SYNE1: variants seen among roughly 807,000 people sequenced by gnomAD.
SYNE1 encodes the protein spectrin repeat containing nuclear envelope protein 1.
Under a neutral mutation model 1,111.0 loss-of-function variants are expected in SYNE1, and 616 were observed. The observed-to-expected ratio is 0.55, with a 90% CI of 0.52 to 0.59. The LOEUF (loss-of-function observed/expected upper bound fraction) is 0.59. Among genes scored for constraint, SYNE1 ranks in the 20% least tolerant of loss-of-function variants. The pLI is 0.00. For missense variants in SYNE1, 10,006 were observed against 10,417.0 expected, an observed-to-expected ratio of 0.96 and a Z score of 1.72; for synonymous variants, 3,855 against 3,825.8, an observed-to-expected ratio of 1.01 and a Z score of -0.28.
At chr6:152,165,919 A>G (rs1042961379) in intron 130 of SYNE1, among the ~76,000 whole-genome samples, 4 of 152,228 alleles carry the variant, frequency 2.6e-5, no homozygotes, top group South Asian at 2.1e-4. Context: ...CTCTGGCCAT[A>G]GTGCCCCAGA....
chr6:152,505,956 A>G (rs1162283913), intron 8 of SYNE1, among the ~76,000 whole-genome samples: 3 of 152,252 alleles, frequency 2.0e-5, no homozygotes, highest in Non-Finnish European at 4.4e-5. Flanking sequence ...AAATATTGCA[A>G]TTATATCTCA....
chr6:152,466,335 T>C (rs2098767421), intron 16 of SYNE1, among the ~76,000 whole-genome samples: 1 of 152,196 alleles, frequency 6.6e-6, no homozygotes, highest in Non-Finnish European at 1.5e-5. Context: ...AAGGGTTTGC[T>C]TTTTGAAGAG....
At chr6:152,413,553 T>C (rs748615280) in intron 41 of SYNE1, 22 bp from the exon 42 acceptor site, 5 of 1,611,178 alleles carry the variant, frequency 3.1e-6, no homozygotes, top group African/African-American at 1.3e-5. Context: ...AATGTTATTT[T>C]CCTATTAATT....
intron 62 of SYNE1, among the ~76,000 whole-genome samples, chr6:152,365,311 G>A (rs1313496410): frequency 6.6e-6 from 1 of 152,082 alleles, no homozygotes; most frequent in Non-Finnish European, 1.5e-5. Context: ...GAAAAATATA[G>A]TACAGTAGAA....
intron 3 of SYNE1, among the ~76,000 whole-genome samples, chr6:152,625,995 G>C (rs1583660402): frequency 6.6e-6 from 1 of 152,288 alleles, no homozygotes; most frequent in East Asian, 1.9e-4. Context: ...GTTAAATAGG[G>C]CATCCACTGT....
chr6:152,307,648 G>C (rs572605279), intron 91 of SYNE1, among the ~76,000 whole-genome samples: 1 of 152,168 alleles, frequency 6.6e-6, no homozygotes, highest in South Asian at 2.1e-4. Context: ...TGCACAAGGA[G>C]TGGTCAAGTC....
At chr6:152,310,189 C>T (rs2095504747) in intron 89 of SYNE1, among the ~76,000 whole-genome samples, 172 bp from the exon 90 acceptor site, 4 of 151,648 alleles carry the variant, frequency 2.6e-5, no homozygotes, top group South Asian at 4.2e-4. Context: ...CGTCTGTAAC[C>T]CCAGCACTTT....
At chr6:152,607,432 C>CAT (rs368068830) in intron 3 of SYNE1, among the ~76,000 whole-genome samples, 15,125 of 150,648 alleles carry the variant, frequency 0.1, 853 homozygotes, top group African/African-American at 0.16. Context: ...TTTTTTTTTT[C>CAT]ATGTTTGTTG....
intron 128 of SYNE1, among the ~76,000 whole-genome samples, chr6:152,188,875 G>A (rs2071072879): frequency 6.9e-6 from 1 of 145,460 alleles, no homozygotes; most frequent in South Asian, 2.2e-4. Flanking sequence ...GGAGAATGGC[G>A]TGAACCTGGG....
chr6:152,342,399 A>G (rs555486240), intron 74 of SYNE1, among the ~76,000 whole-genome samples: 8 of 152,388 alleles, frequency 5.2e-5, no homozygotes, highest in Admixed American at 1.3e-4. Context: ...ATAAAAAAGT[A>G]GAATATAGGC....
intron 44 of SYNE1, among the ~76,000 whole-genome samples, chr6:152,408,132 C>T (rs1198031460): frequency 6.6e-6 from 1 of 152,088 alleles, no homozygotes; most frequent in Admixed American, 6.6e-5. Context: ...TATTATATTA[C>T]ACAAATATCA....
chr6:152,607,118 G>A (rs2099617872), intron 3 of SYNE1, among the ~76,000 whole-genome samples: 1 of 150,310 alleles, frequency 6.7e-6, no homozygotes, highest in Non-Finnish European at 1.5e-5. Context: ...CCCAGTAGGT[G>A]GGACTACAGG....
At chr6:152,345,076 T>C (rs993113620) in intron 73 of SYNE1, among the ~76,000 whole-genome samples, 5 of 152,238 alleles carry the variant, frequency 3.3e-5, no homozygotes, top group African/African-American at 1.2e-4. Context: ...ATCCCTTATT[T>C]ATTCTTATTC....
In SYNE1 at chr6:152,152,097, C is replaced by T. The variant is rs928170278; in HGVS notation, c.24174G>A (p.Leu8058=). 4 of 1,614,174 alleles carry T rather than the reference C, an allele frequency of 2.5e-6. No homozygotes were observed. The highest frequency in any genetic ancestry group is 2.5e-6 in the Non-Finnish European group (3 of 1,180,038). Residue 8058 remains leucine, a synonymous_variant, in exon 134 of 146, where the codon CTG becomes CTA. Transcript: ENST00000367255. ...CCAGGCGGCGGTACTGCTTGTTGAT[C>T]AGTTCCAGCTGCGTCAGGCACTCGT... ...QVHECLTQLE[L]INKQYRRLAR...
intron 93 of SYNE1, among the ~76,000 whole-genome samples, chr6:152,297,555 G>A (rs967436465): frequency 6.6e-6 from 1 of 152,034 alleles, no homozygotes; most frequent in African/African-American, 2.4e-5. Context: ...ATAACAGGCA[G>A]GCCTATATGT....
intron 121 of SYNE1, among the ~76,000 whole-genome samples, chr6:152,216,361 T>C (rs1036166116): frequency 6.6e-6 from 1 of 152,154 alleles, no homozygotes; most frequent in Non-Finnish European, 1.5e-5. Context: ...AATGACATGA[T>C]AGAGCATGGA....
Position 152,233,857 on chromosome 6 carries a change from G to C in SYNE1, c.20636C>G (p.Ser6879Cys), listed in dbSNP as rs769820392. ...LKKVDTATLR[S>C]ELSRIDSQWT... ...CTGGCTATCAATGCGCGACAGCTCAGAGCGCAGCGTGGCTGTGTCCACCTT... is the reference window on the plus strand; with the variant it reads ...CTGGCTATCAATGCGCGACAGCTCACAGCGCAGCGTGGCTGTGTCCACCTT... The change falls in exon 112 of 146, where the codon TCT (serine) becomes TGT (cysteine). Residue 6879 changes from serine (S) to cysteine (C), a missense_variant. Around this residue, in one of 7 missense-constraint regions of SYNE1, gnomAD observed 2,182 missense variants for 2,287.8 expected, o/e 0.95. Transcript: ENST00000367255. The C allele has an allele frequency of 6.2e-7, 1 of 1,614,198 alleles. No homozygotes were observed. The highest frequency in any genetic ancestry group is 1.3e-5 in the African/African-American group (1 of 75,062).
chr6:152,412,980 T>C (rs2098090368), intron 42 of SYNE1, among the ~76,000 whole-genome samples: 1 of 151,696 alleles, frequency 6.6e-6, no homozygotes, highest in Non-Finnish European at 1.5e-5. Flanking sequence ...GCCTCCCAAG[T>C]AGCTGGCATT....
intron 97 of SYNE1, among the ~76,000 whole-genome samples, chr6:152,281,160 A>G (rs1248362184): frequency 6.6e-6 from 1 of 152,212 alleles, no homozygotes; most frequent in Non-Finnish European, 1.5e-5. Context: ...ATCATCATTG[A>G]AGTTTGATGA....
Sources: allele counts gnomAD v4.1 joint callset (sites outside exome capture counted in the v4.1 genomes callset), GRCh38; gene constraint gnomAD v4.1.1; regional missense constraint gnomAD v4.1.1; transcripts MANE v1.5; gene names NCBI Gene and HGNC (gene_info 2026-07-23, HGNC 2026-07-21).